CHN2: variants seen among roughly 807,000 people sequenced by gnomAD.
CHN2 encodes chimerin 2, also known as beta-chimaerin.
CHN2 carries 35 observed loss-of-function variants against 56.3 expected under a neutral mutation model. The observed-to-expected ratio is 0.62, with a 90% confidence interval of 0.47 to 0.82. CHN2 has a LOEUF of 0.82. CHN2 is among the 40% of genes least tolerant of loss of function. The pLI is 0.00. For synonymous variants in CHN2, 210 were observed against 212.8 expected (o/e 0.99, Z 0.12); for missense variants, 491 against 580.5 (o/e 0.85, Z 1.58).
intron 9 of CHN2, 117 bp downstream of exon 9, chr7:29,500,157 A>G: frequency 3.0e-6 from 2 of 673,544 alleles, no homozygotes; most frequent in Non-Finnish European, 4.7e-6. Context: ...TGACCTACGC[A>G]TGTGTGCGCA....
chr7:29,455,980 G>A (rs1784724120), intron 6 of CHN2, among the ~76,000 whole-genome samples: 2 of 152,156 alleles, frequency 1.3e-5, no homozygotes, highest in South Asian at 4.1e-4. Flanking sequence ...AGAGTCCTTG[G>A]GGGAATGAGT....
intron 6 of CHN2, among the ~76,000 whole-genome samples, chr7:29,409,572 A>T (rs780175190): frequency 2.0e-4 from 30 of 152,350 alleles, no homozygotes; most frequent in Admixed American, 3.9e-4. Flanking sequence ...TTTGAAGTAT[A>T]GGAAGAAGTC....
chr7:29,511,598 G>T (rs190532887), intron 12 of CHN2, among the ~76,000 whole-genome samples: 1 of 152,176 alleles, frequency 6.6e-6, no homozygotes. Context: ...AGGCTTTGTG[G>T]CATGTACATG....
intron 6 of CHN2, among the ~76,000 whole-genome samples, chr7:29,413,324 T>C (rs1053020931): frequency 2.0e-5 from 3 of 152,252 alleles, no homozygotes; most frequent in African/African-American, 7.2e-5. Context: ...GACACTTTAA[T>C]ACCCAAGTTG....
chr7:29,447,755 C>T (rs988549991), intron 6 of CHN2, among the ~76,000 whole-genome samples: 2 of 152,080 alleles, frequency 1.3e-5, no homozygotes, highest in Non-Finnish European at 2.9e-5. Context: ...ATATAGATAA[C>T]ATGATATGTG....
chr7:29,508,260 T>C (rs902865523), intron 11 of CHN2, among the ~76,000 whole-genome samples: 4 of 149,476 alleles, frequency 2.7e-5, no homozygotes, highest in Non-Finnish European at 4.5e-5. Context: ...GAGAGAGGAA[T>C]AGAGTGAAAA....
chr7:29,393,654 TA>T, intron 3 of CHN2, 24 bp from the exon 4 acceptor site: 1 of 874,386 alleles, frequency 1.1e-6, no homozygotes, highest in Non-Finnish European at 1.7e-6. Context: ...AATGCATTAT[TA>T]ATTTTTTTTT....
chr7:29,243,051 G>A (rs780009637), intron 1 of CHN2, among the ~76,000 whole-genome samples: 3 of 151,896 alleles, frequency 2.0e-5, no homozygotes, highest in Non-Finnish European at 2.9e-5. Flanking sequence ...AATTTTTAAT[G>A]GACATATTTT....
intron 4 of CHN2, among the ~76,000 whole-genome samples, chr7:29,394,049 A>G (rs1208315298): frequency 6.6e-6 from 1 of 152,160 alleles, no homozygotes; most frequent in Non-Finnish European, 1.5e-5. Flanking sequence ...AACACAATAG[A>G]AACGTTTGGT....
intron 2 of CHN2, among the ~76,000 whole-genome samples, chr7:29,173,883 T>G (rs1206472668): frequency 6.9e-6 from 1 of 145,770 alleles, no homozygotes; most frequent in Non-Finnish European, 1.5e-5. Context: ...ACCTGGGAGG[T>G]GGAGGCTGCA....
chr7:29,272,785 G>A (rs111481602), intron 1 of CHN2, among the ~76,000 whole-genome samples: 3,279 of 152,106 alleles, frequency 0.022, 117 homozygotes, highest in African/African-American at 0.075. Flanking sequence ...GTGCCAACAC[G>A]CATTTTTAAA....
intron 1 of CHN2, among the ~76,000 whole-genome samples, chr7:29,323,565 G>A (rs372616037): frequency 1.6e-4 from 25 of 152,198 alleles, no homozygotes; most frequent in Middle Eastern, 3.4e-3. Context: ...ACATGAGGCC[G>A]CCTCGCCACG....
chr7:29,415,849 T>G lies in CHN2; in HGVS notation c.576+15021T>G, dbSNP rs1453814451. Among the ~76,000 whole-genome samples, 7 of 152,338 alleles carry G rather than the reference T, an allele frequency of 4.6e-5. No homozygotes were observed. In the East Asian group the frequency reaches 9.6e-4, roughly 21 times the overall value. ...CTGCATTTTTGCTTTCAAAACCCAG[T>G]TGCTGTAGGCAAAATTTTAAAAGCC... On this transcript the variant is annotated intron_variant, in intron 6 of 12. Coordinates refer to ENST00000222792, the MANE Select transcript of CHN2 (RefSeq NM_004067.4).
intron 10 of CHN2, among the ~76,000 whole-genome samples, chr7:29,505,681 C>T (rs985227793): frequency 6.6e-6 from 1 of 152,212 alleles, no homozygotes; most frequent in Non-Finnish European, 1.5e-5. Flanking sequence ...CGCTGACTAC[C>T]CCAAGCTAAC....
intron 1 of CHN2, among the ~76,000 whole-genome samples, chr7:29,206,124 CCAGTGCCTAGCA>C (rs1784502603): frequency 6.6e-6 from 1 of 152,188 alleles, no homozygotes; most frequent in Non-Finnish European, 1.5e-5. Flanking sequence ...TGCTGGATCT[CCAGTGCCTAGCA>C]CAGTGTCTGA....
intron 1 of CHN2, among the ~76,000 whole-genome samples, chr7:29,297,929 G>C (rs1793319664): frequency 6.6e-6 from 1 of 152,170 alleles, no homozygotes; most frequent in Admixed American, 6.5e-5. Flanking sequence ...GAAGATGAAT[G>C]GCTACCCGTC....
At chr7:29,308,185 A>G (rs1467282775) in intron 1 of CHN2, among the ~76,000 whole-genome samples, 2 of 152,028 alleles carry the variant, frequency 1.3e-5, no homozygotes, top group African/African-American at 4.8e-5. Context: ...GCCTTACCTT[A>G]TGTTACGCTG....
intron 1 of CHN2, among the ~76,000 whole-genome samples, chr7:29,273,347 A>ATG (rs1562881809): frequency 1.6e-4 from 6 of 37,190 alleles, no homozygotes; most frequent in African/African-American, 7.4e-4. Context: ...ATATGTGTAT[A>ATG]TATATATATA....
Position 29,232,175 on chromosome 7 carries a change from G to A in CHN2, c.49+37185G>A, listed in dbSNP as rs1584807778. On this transcript the variant is annotated intron_variant, in intron 1 of 12. Transcript: ENST00000222792. ...TTGTAAACCTAGGACGTTTTATGAG[G>A]ACTTCATTAGGAGACAATAGATTCA... 2.6e-5 allele frequency among the ~76,000 whole-genome samples: 4 copies of A among 152,072 alleles called. No individual in the cohort carries two copies. The East Asian group carries it at 7.7e-4, about 29-fold the overall frequency.
Sources: gnomAD v4.1 joint callset for allele counts (sites outside exome capture counted in the v4.1 genomes callset) on GRCh38, gnomAD v4.1.1 for gene constraint, MANE v1.5 for transcripts, NCBI Gene and HGNC (gene_info 2026-07-23, HGNC 2026-07-21) for gene names.